ATP10D: variants seen among roughly 807,000 people sequenced by gnomAD.
The protein encoded by ATP10D is phospholipid-transporting ATPase VD.
ATP10D carries 89 observed loss-of-function variants against 144.8 expected under a neutral mutation model. That is an observed-to-expected ratio of 0.61 (90% CI 0.52 to 0.73). ATP10D has a LOEUF of 0.73. Among genes scored for constraint, ATP10D ranks in the 30% least tolerant of loss-of-function variants. ATP10D has a pLI of 0.00. For synonymous variants in ATP10D, 571 were observed against 615.1 expected (o/e 0.93, Z 1.06); for missense variants, 1,603 against 1,714.8 (o/e 0.93, Z 1.15).
intron 1 of ATP10D, chr4:47,491,009 G>A (rs1028949866): frequency 4.3e-6 from 3 of 702,658 alleles, no homozygotes; most frequent in Non-Finnish European, 5.4e-6. Flanking sequence ...TAGGGAAGAG[G>A]TTCCAGCAGC....
intron 1 of ATP10D, among the ~76,000 whole-genome samples, chr4:47,496,173 T>C (rs1715358920): frequency 7.1e-6 from 1 of 141,174 alleles, no homozygotes; most frequent in South Asian, 2.3e-4. Flanking sequence ...TTTTTTTTTT[T>C]TGAGACGGAG....
At position 47,580,112 on chromosome 4, in the gene ATP10D, G is replaced by C. The variant is rs530692239; in HGVS notation, c.3568-286G>C. On this transcript the variant is annotated intron_variant, in intron 19 of 22. Coordinates refer to ENST00000273859, the MANE Select transcript of ATP10D (RefSeq NM_020453.4). ...TGAAACAGTACTTTCTGATCAGTAG[G>C]AAAGGAGAAGTTAGTACTACCGGCT... 3.9e-5 allele frequency among the ~76,000 whole-genome samples: 6 copies of C among 152,324 alleles called. No homozygotes were observed. The South Asian group carries it at 1.2e-3, about 32-fold the overall frequency.
At chr4:47,509,433 C>T (rs754741937) in intron 1 of ATP10D, among the ~76,000 whole-genome samples, 2 of 152,042 alleles carry the variant, frequency 1.3e-5, no homozygotes, top group Non-Finnish European at 2.9e-5. Context: ...TTGACAAATA[C>T]AAATTGTATG....
At chr4:47,554,363 G>A (rs1018032757) in intron 10 of ATP10D, among the ~76,000 whole-genome samples, 2 of 152,138 alleles carry the variant, frequency 1.3e-5, no homozygotes, top group Non-Finnish European at 2.9e-5. Flanking sequence ...TCAAGTGATG[G>A]TGAATAAATC....
At position 47,568,827 on chromosome 4, in the gene ATP10D, T is replaced by C; in HGVS notation, c.2854-10T>C. 6.2e-7 allele frequency: 1 copy of C among 1,606,952 alleles called. No individual in the cohort carries two copies. The highest frequency in any genetic ancestry group is 8.5e-7 in the Non-Finnish European group (1 of 1,175,026). On this transcript the variant is annotated splice_polypyrimidine_tract_variant and intron_variant, in intron 15 of 22. Coordinates refer to ENST00000273859, the MANE Select transcript of ATP10D (RefSeq NM_020453.4). ...CCTGGAGGCTAACCACCTTTGCCTC[T>C]TGTTTCAAGGATGCCTGTGGGATGC...
At chr4:47,535,127 C>T (rs1428632391) in intron 5 of ATP10D, among the ~76,000 whole-genome samples, 2 of 151,834 alleles carry the variant, frequency 1.3e-5, no homozygotes, top group African/African-American at 4.8e-5. Flanking sequence ...TACATATAGA[C>T]ACAAAGATAA....
chr4:47,559,449 C>T (rs914995369), intron 13 of ATP10D, among the ~76,000 whole-genome samples: 1 of 152,134 alleles, frequency 6.6e-6, no homozygotes, highest in Non-Finnish European at 1.5e-5. Context: ...ATACTCTTTT[C>T]TTATGTGCCC....
chr4:47,576,683 C>A, intron 18 of ATP10D, 90 bp from the exon 19 acceptor site: 1 of 1,225,288 alleles, frequency 8.2e-7, no homozygotes, highest in Non-Finnish European at 1.2e-6. Flanking sequence ...AGGCTGAGGT[C>A]ACCCAGCTCA....
rs558941949 is a variant in ATP10D at position 47,582,764 on chromosome 4, A to G, written c.3753+700A>G. 3.3e-5 allele frequency: 5 copies of G among 152,284 alleles called. No homozygotes were observed. The East Asian group carries it at 9.6e-4, about 29-fold the overall frequency. The allele number at this position is 152,284 out of a possible 1,614,324, so 9.4% of individuals were successfully genotyped here. A position where few individuals can be genotyped will look rare whatever the true frequency, so the allele number is the denominator to read the frequency against. ...TTTCATCAAAAATATAATTTCCCCC[A>G]ACAGCCTTTCCCTAACCATCCATCC... On this transcript the variant is annotated intron_variant, in intron 21 of 22. Transcript: ENST00000273859.
chr4:47,520,790 A>G (rs997728399), intron 3 of ATP10D, among the ~76,000 whole-genome samples: 2 of 152,068 alleles, frequency 1.3e-5, no homozygotes, highest in Non-Finnish European at 2.9e-5. Context: ...AATGGTCTCA[A>G]TCTTCTGACC....
intron 10 of ATP10D, among the ~76,000 whole-genome samples, chr4:47,550,643 C>T (rs987070447): frequency 1.3e-5 from 2 of 152,094 alleles, no homozygotes; most frequent in African/African-American, 2.4e-5. Flanking sequence ...TGGGCCATGC[C>T]GTGAGTGTTA....
At chr4:47,581,054 C>A (rs1720490710) in intron 20 of ATP10D, among the ~76,000 whole-genome samples, 1 of 152,096 alleles carries the variant, frequency 6.6e-6, no homozygotes. Flanking sequence ...CAGAGTGAGA[C>A]CCTGTCTTAA....
At chr4:47,516,114 C>T (rs1716670464) in intron 3 of ATP10D, among the ~76,000 whole-genome samples, 1 of 152,028 alleles carries the variant, frequency 6.6e-6, no homozygotes, top group African/African-American at 2.4e-5. Flanking sequence ...CCTGTAATCC[C>T]AGCTACTCAG....
chr4:47,570,772 C>T (rs930656722), intron 16 of ATP10D, among the ~76,000 whole-genome samples: 1 of 149,246 alleles, frequency 6.7e-6, no homozygotes, highest in African/African-American at 2.5e-5. Context: ...CACTGAATTA[C>T]AGCCTAGGAG....
At chr4:47,535,795 A>T (rs1717814692) in intron 6 of ATP10D, 107 bp from the exon 7 acceptor site, 1 of 1,379,042 alleles carries the variant, frequency 7.3e-7, no homozygotes, top group East Asian at 2.5e-5. Context: ...AAAATAGATC[A>T]TGTAACTGTG....
chr4:47,502,376 A>G (rs938855580), intron 1 of ATP10D, among the ~76,000 whole-genome samples: 20 of 151,984 alleles, frequency 1.3e-4, no homozygotes, highest in Admixed American at 2.6e-4. Flanking sequence ...GGGCTGAGGC[A>G]GGAGAATGGC....
intron 13 of ATP10D, 47 bp downstream of exon 13, chr4:47,559,076 T>C: frequency 6.8e-7 from 1 of 1,476,068 alleles, no homozygotes; most frequent in Middle Eastern, 1.7e-4. Flanking sequence ...TTCCCTTGTT[T>C]AGCTATCACT....
At position 47,572,276 on chromosome 4, in the gene ATP10D, A is replaced by G. The variant is rs1308822255; in HGVS notation, c.3240+46A>G. ...CAAGTTCTGTGGCCTTGACCTGCCC[A>G]TCCAAAGGCAGCATTCTCCATGGTA... On this transcript the variant is annotated intron_variant, in intron 17 of 22. Coordinates refer to ENST00000273859, the MANE Select transcript of ATP10D (RefSeq NM_020453.4). 4 of 1,523,454 alleles carry G rather than the reference A, an allele frequency of 2.6e-6. No individual in the cohort carries two copies. The African/African-American group carries it at 5.5e-5, about 21-fold the overall frequency. 94.4% of individuals were successfully genotyped at this position (1,523,454 alleles called of 1,614,324 possible).
At chr4:47,490,904 A>C (rs1283315102) in intron 1 of ATP10D, 3 of 432,522 alleles carry the variant, frequency 6.9e-6, no homozygotes, top group Non-Finnish European at 1.3e-5. Flanking sequence ...CTTTCAATGT[A>C]TTGTTCACAC....
Sources: gnomAD v4.1 joint callset for allele counts (sites outside exome capture counted in the v4.1 genomes callset) on GRCh38, gnomAD v4.1.1 for gene constraint, MANE v1.5 for transcripts, NCBI Gene and HGNC (gene_info 2026-07-23, HGNC 2026-07-21) for gene names.